The following CSMD1 variants were observed in gnomAD, a reference collection of about 807,000 sequenced individuals.
The protein encoded by CSMD1 is CUB and sushi domain-containing protein 1.
In CSMD1, 213 loss-of-function variants were observed where a neutral mutation model predicts 417.5. The ratio of observed to expected loss-of-function variants is 0.51; its 90% CI spans 0.46 to 0.57. CSMD1 has a LOEUF of 0.57. CSMD1 is among the 20% of genes least tolerant of loss of function. The pLI, the probability that CSMD1 is intolerant of heterozygous loss-of-function variation, is 0.00. For missense variants in CSMD1, 6,923 were observed against 4,529.7 expected (o/e 1.53, Z -15.17); for synonymous variants, 2,862 against 1,736.8 (o/e 1.65, Z -16.11).
intron 61 of CSMD1, among the ~76,000 whole-genome samples, chr8:2,961,757 C>G (rs992501347): frequency 6.6e-6 from 1 of 152,182 alleles, no homozygotes; most frequent in Non-Finnish European, 1.5e-5. Flanking sequence ...ACTTGCTGCT[C>G]TACAGTTACC....
chr8:4,460,959 T>C (rs982593592), intron 2 of CSMD1, among the ~76,000 whole-genome samples: 10 of 152,156 alleles, frequency 6.6e-5, no homozygotes, highest in African/African-American at 1.9e-4. Flanking sequence ...GACATAGTTA[T>C]AGATAGAAAC....
chr8:3,642,241 G>T (rs182544511), intron 7 of CSMD1, among the ~76,000 whole-genome samples: 6 of 151,984 alleles, frequency 3.9e-5, no homozygotes, highest in Non-Finnish European at 5.9e-5. Flanking sequence ...AAACCCCCAA[G>T]AAGTCACATA....
chr8:4,072,540 T>G (rs1799614484), intron 3 of CSMD1, among the ~76,000 whole-genome samples: 1 of 152,156 alleles, frequency 6.6e-6, no homozygotes, highest in Non-Finnish European at 1.5e-5. Context: ...TCACATAGTT[T>G]TAAGTATTGT....
rs1281847620 is a variant in CSMD1 at position 3,030,342 on chromosome 8, T to C, written c.7661-829A>G. Among the ~76,000 whole-genome samples the C allele has an allele frequency of 2.6e-5, 4 of 152,032 alleles. No individual in the cohort carries two copies. In the East Asian group the frequency reaches 7.7e-4, roughly 29 times the overall value. On this transcript the variant is annotated intron_variant, in intron 50 of 69. Transcript: ENST00000635120. ...AGAACCATTTCTCTAATTACGAAGA[T>C]TTAGTAGCTATCATTCATTAAAATC...
chr8:3,684,564 T>C (rs910078288), intron 7 of CSMD1, among the ~76,000 whole-genome samples: 4 of 151,190 alleles, frequency 2.6e-5, no homozygotes, highest in Non-Finnish European at 5.9e-5. Context: ...TATATCATCA[T>C]TGTTGAACCC....
chr8:4,707,367 T>C (rs1354332050), intron 1 of CSMD1, among the ~76,000 whole-genome samples: 1 of 152,180 alleles, frequency 6.6e-6, no homozygotes, highest in Non-Finnish European at 1.5e-5. Context: ...AAAGAAAATC[T>C]AGATTTCCAA....
chr8:4,060,059 A>G (rs929938338), intron 3 of CSMD1, among the ~76,000 whole-genome samples: 1 of 152,210 alleles, frequency 6.6e-6, no homozygotes, highest in African/African-American at 2.4e-5. Context: ...ATACTGGCAA[A>G]CCGAATCCAG....
chr8:3,138,499 T>C (rs568331779), intron 41 of CSMD1, among the ~76,000 whole-genome samples: 16 of 152,226 alleles, frequency 1.1e-4, no homozygotes, highest in Admixed American at 1.0e-3. Context: ...TGGGAGAGAT[T>C]TGGTGGGAAT....
At position 4,650,962 on chromosome 8, in the gene CSMD1, T is replaced by C. The variant is rs562625962; in HGVS notation, c.86-13404A>G. Among the ~76,000 whole-genome samples the C allele has an allele frequency of 2.0e-3, 301 of 152,346 alleles. 3 individuals carry two copies. Among genetic ancestry groups the C allele is most frequent in the Non-Finnish European group, 3.6e-3 (247 of 68,036 alleles). On this transcript the variant is annotated intron_variant, in intron 1 of 69. Transcript: ENST00000635120. ...TTACAAATGAACCAGAAACTTGTAC[T>C]CATAAGTTAAATATTGATAACAAGA... is the stretch of plus-strand genomic sequence containing the variant.
intron 1 of CSMD1, among the ~76,000 whole-genome samples, chr8:4,755,041 G>C (rs527557149): frequency 1.3e-5 from 2 of 152,082 alleles, no homozygotes; most frequent in African/African-American, 2.4e-5. Flanking sequence ...GGGAGGCTGA[G>C]GCAGAAGAAT....
At chr8:4,254,377 G>A (rs143793073) in intron 3 of CSMD1, among the ~76,000 whole-genome samples, 3 of 152,268 alleles carry the variant, frequency 2.0e-5, no homozygotes, top group East Asian at 1.9e-4. Flanking sequence ...TGGGCTGCAT[G>A]ACGATGTCTC....
At chr8:2,988,055 A>G (rs645944) in intron 54 of CSMD1, among the ~76,000 whole-genome samples, 1,884 of 152,336 alleles carry the variant, frequency 0.012, 35 homozygotes, top group African/African-American at 0.044. Flanking sequence ...AGTTATTAAA[A>G]TAACTATTTT....
intron 3 of CSMD1, among the ~76,000 whole-genome samples, chr8:4,072,121 G>C (rs373191745): frequency 6.6e-6 from 1 of 152,298 alleles, no homozygotes; most frequent in African/African-American, 2.4e-5. Context: ...GCTATAGGCT[G>C]TTCAACTCCT....
chr8:4,539,557 A>T (rs1260704229), intron 2 of CSMD1, among the ~76,000 whole-genome samples: 1 of 152,204 alleles, frequency 6.6e-6, no homozygotes, highest in Non-Finnish European at 1.5e-5. Context: ...CAAACTTCCA[A>T]CATTTTTCTC....
chr8:4,606,433 G>C (rs189890017), intron 2 of CSMD1, among the ~76,000 whole-genome samples: 20 of 152,176 alleles, frequency 1.3e-4, no homozygotes, highest in Admixed American at 9.2e-4. Flanking sequence ...TCACAGTGCT[G>C]CTAGTGGCTG....
chr8:4,924,858 T>G lies in CSMD1; in HGVS notation c.85+69474A>C, dbSNP rs182987341. ...ATTACAGTTCGGGAAGAAAATATGT[T>G]TCTCAAGTTTCCCCAACCAGCACAA... On this transcript the variant is annotated intron_variant, in intron 1 of 69. Coordinates refer to ENST00000635120, the MANE Select transcript of CSMD1 (RefSeq NM_033225.6). Among the ~76,000 whole-genome samples, 292 of 152,270 alleles carry G rather than the reference T, an allele frequency of 1.9e-3. 1 individual carries two copies. Among genetic ancestry groups the G allele is most frequent in the African/African-American group, 6.1e-3 (254 of 41,560 alleles).
chr8:4,443,315 A>G (rs1798590712), intron 2 of CSMD1, among the ~76,000 whole-genome samples: 1 of 152,208 alleles, frequency 6.6e-6, no homozygotes, highest in Admixed American at 6.5e-5. Flanking sequence ...AACTTAACTT[A>G]TTTTAGAGAA....
chr8:3,053,324 A>T (rs903971761), intron 49 of CSMD1, among the ~76,000 whole-genome samples: 4 of 152,218 alleles, frequency 2.6e-5, no homozygotes, highest in Admixed American at 2.6e-4. Context: ...GAAAGAAAGA[A>T]GAAGGGATGA....
intron 3 of CSMD1, among the ~76,000 whole-genome samples, chr8:4,321,087 T>C (rs182823489): frequency 5.9e-5 from 9 of 152,302 alleles, no homozygotes; most frequent in Admixed American, 5.9e-4. Context: ...CATACGCTTA[T>C]ATTGAGTTTT....
Sources: allele counts gnomAD v4.1 joint callset (sites outside exome capture counted in the v4.1 genomes callset), GRCh38; gene constraint gnomAD v4.1.1; transcripts MANE v1.5; gene names NCBI Gene and HGNC (gene_info 2026-07-23, HGNC 2026-07-21).